Variants in PRKD1 observed in about 807,000 individuals in gnomAD.
PRKD1 encodes serine/threonine-protein kinase D1.
PRKD1 carries 63 observed loss-of-function variants against 95.9 expected under a neutral mutation model. That is an observed-to-expected ratio of 0.66 (90% confidence interval 0.54 to 0.81). The LOEUF (loss-of-function observed/expected upper bound fraction) is 0.81. Ranked by LOEUF, PRKD1 falls within the 30% of genes least tolerant of loss-of-function variation. The probability of loss-of-function intolerance (pLI) is 0.00; values close to 1 mark genes in which losing one functional copy is unlikely to be tolerated. For missense variants in PRKD1, 1,048 were observed against 1,165.3 expected (o/e 0.90, Z 1.47); for synonymous variants, 425 against 423.1 (o/e 1.00, Z -0.05).
chr14:29,718,703 C>A (rs1282648188), intron 2 of PRKD1, among the ~76,000 whole-genome samples: 1 of 152,152 alleles, frequency 6.6e-6, no homozygotes, highest in Non-Finnish European at 1.5e-5. Context: ...TCCATTCAGC[C>A]TGTGACACTT....
At chr14:29,762,627 A>G (rs1246583829) in intron 1 of PRKD1, among the ~76,000 whole-genome samples, 1 of 152,242 alleles carries the variant, frequency 6.6e-6, no homozygotes, top group African/African-American at 2.4e-5. Context: ...GGTCATATTT[A>G]CGTGACAATA....
chr14:29,652,470 T>C (rs1278939087), intron 4 of PRKD1, among the ~76,000 whole-genome samples: 1 of 152,126 alleles, frequency 6.6e-6, no homozygotes, highest in Admixed American at 6.5e-5. Flanking sequence ...TGGAATGAAA[T>C]CAGATAACAG....
chr14:29,726,954 G>T (rs1269883191), intron 1 of PRKD1, among the ~76,000 whole-genome samples: 1 of 152,066 alleles, frequency 6.6e-6, no homozygotes, highest in East Asian at 1.9e-4. Context: ...TCTAGTTCTA[G>T]ATCCCTGAGG....
At chr14:29,697,601 G>A (rs1242101774) in intron 2 of PRKD1, among the ~76,000 whole-genome samples, 1 of 152,066 alleles carries the variant, frequency 6.6e-6, no homozygotes, top group African/African-American at 2.4e-5. Flanking sequence ...AAATCTATGT[G>A]CAAAATCACT....
intron 1 of PRKD1, among the ~76,000 whole-genome samples, chr14:29,906,531 C>CTA (rs1894503067): frequency 7.2e-6 from 1 of 137,994 alleles, no homozygotes; most frequent in African/African-American, 3.2e-5. Flanking sequence ...ATCAATTTAA[C>CTA]CAAAAAAAAA....
At chr14:29,922,783 C>T (rs1021498013) in intron 1 of PRKD1, among the ~76,000 whole-genome samples, 28 of 152,016 alleles carry the variant, frequency 1.8e-4, no homozygotes, top group Non-Finnish European at 2.8e-4. Flanking sequence ...ACACTTGGGA[C>T]GCTGTGGCAG....
At chr14:29,821,671 G>C (rs1444093529) in intron 1 of PRKD1, among the ~76,000 whole-genome samples, 2 of 151,920 alleles carry the variant, frequency 1.3e-5, no homozygotes, top group African/African-American at 4.8e-5. Context: ...AAGGAAAAAA[G>C]GTTCACAAAC....
At chr14:29,595,148 T>A (rs1161723417) in intron 16 of PRKD1, among the ~76,000 whole-genome samples, 1 of 152,126 alleles carries the variant, frequency 6.6e-6, no homozygotes, top group Non-Finnish European at 1.5e-5. Context: ...TTCATCTGAG[T>A]GGTAGGAAAT....
intron 1 of PRKD1, among the ~76,000 whole-genome samples, chr14:29,819,334 T>G (rs549278677): frequency 1.3e-5 from 2 of 151,938 alleles, no homozygotes; most frequent in African/African-American, 2.4e-5. Context: ...GTGCGTAATA[T>G]CCTCAGACAG....
chr14:29,728,766 T>C (rs1411781438), intron 1 of PRKD1, among the ~76,000 whole-genome samples: 4 of 152,194 alleles, frequency 2.6e-5, no homozygotes, highest in Non-Finnish European at 4.4e-5. Context: ...AGTGGGTACA[T>C]GCTTCCGTTT....
At chr14:29,736,942 C>T (rs189399476) in intron 1 of PRKD1, among the ~76,000 whole-genome samples, 94 of 152,238 alleles carry the variant, frequency 6.2e-4, no homozygotes, top group Non-Finnish European at 9.6e-4. Flanking sequence ...GGGCCAATCA[C>T]AAAAGGCAAG....
At chr14:29,789,428 C>A (rs1431953981) in intron 1 of PRKD1, among the ~76,000 whole-genome samples, 1 of 152,046 alleles carries the variant, frequency 6.6e-6, no homozygotes, top group African/African-American at 2.4e-5. Context: ...AGCTATAGTG[C>A]TGGTTGGGTT....
chr14:29,636,608 G>A (rs1398371372), intron 6 of PRKD1, 114 bp from the exon 7 acceptor site: 9 of 996,974 alleles, frequency 9.0e-6, no homozygotes, highest in Non-Finnish European at 1.3e-5. Flanking sequence ...AGGTAGTTCT[G>A]TGATGAGTTT....
chr14:29,816,988 A>G lies in PRKD1; in HGVS notation c.265-91314T>C, dbSNP rs534261587. ...TCATTTTAAATACATTTAGATAAAG[A>G]TGACATATTAAGGCCTGAAGGATTA... On this transcript the variant is annotated intron_variant, in intron 1 of 17. Coordinates refer to ENST00000331968, the MANE Select transcript of PRKD1 (RefSeq NM_002742.3). 2.6e-5 allele frequency among the ~76,000 whole-genome samples: 4 copies of G among 152,336 alleles called. No individual in the cohort carries two copies. In the South Asian group the frequency reaches 8.3e-4, roughly 32 times the overall value.
chr14:29,643,742 CCTTTA>C (rs1197529482), intron 4 of PRKD1, among the ~76,000 whole-genome samples: 5 of 152,144 alleles, frequency 3.3e-5, no homozygotes, highest in Non-Finnish European at 5.9e-5. Context: ...GGAAAAGTTG[CCTTTA>C]CTTGTGGTTT....
intron 14 of PRKD1, 22 bp downstream of exon 14, chr14:29,599,634 C>A: frequency 1.3e-6 from 2 of 1,588,006 alleles, no homozygotes; most frequent in Non-Finnish European, 1.7e-6. Context: ...TGTATTTTTT[C>A]CGTCTCTAAT....
chr14:29,838,909 C>T (rs1891718455), intron 1 of PRKD1, among the ~76,000 whole-genome samples: 1 of 151,978 alleles, frequency 6.6e-6, no homozygotes, highest in Admixed American at 6.6e-5. Context: ...GAAGCAAAAA[C>T]AAACATCAAA....
At chr14:29,754,865 C>G (rs936826181) in intron 1 of PRKD1, among the ~76,000 whole-genome samples, 1 of 152,022 alleles carries the variant, frequency 6.6e-6, no homozygotes, top group Non-Finnish European at 1.5e-5. Context: ...ATATTGAGAT[C>G]AAGGTTCATT....
intron 1 of PRKD1, among the ~76,000 whole-genome samples, chr14:29,788,121 C>T (rs1029156967): frequency 5.3e-5 from 8 of 152,082 alleles, no homozygotes; most frequent in African/African-American, 1.9e-4. Flanking sequence ...TGATGAATTC[C>T]CTCAGTTTTT....
Sources: allele counts gnomAD v4.1 joint callset (sites outside exome capture counted in the v4.1 genomes callset), GRCh38; gene constraint gnomAD v4.1.1; transcripts MANE v1.5; gene names NCBI Gene and HGNC (gene_info 2026-07-23, HGNC 2026-07-21).